Variants in RYR3 observed in about 807,000 individuals in gnomAD.
The protein encoded by RYR3 is ryanodine receptor 3, also known as brain ryanodine receptor-calcium release channel.
RYR3 carries 207 observed loss-of-function variants against 584.3 expected under a neutral mutation model. The ratio of observed to expected loss-of-function variants is 0.35; its 90% CI spans 0.32 to 0.40. The LOEUF is 0.40. Among genes scored for constraint, RYR3 ranks in the 10% least tolerant of loss-of-function variants. The pLI, the probability that RYR3 is intolerant of heterozygous loss-of-function variation, is 1.00. For synonymous variants in RYR3, 2,416 were observed against 2,248.5 expected, an observed-to-expected ratio of 1.07 and a Z score of -2.11; for missense variants, 5,616 against 6,089.2, an observed-to-expected ratio of 0.92 and a Z score of 2.59.
chr15:33,322,357 A>AGAGGGAGC (rs1969082172), intron 1 of RYR3, among the ~76,000 whole-genome samples: 1 of 152,154 alleles, frequency 6.6e-6, no homozygotes, highest in African/African-American at 2.4e-5. Context: ...AAGGAGCAAG[A>AGAGGGAGC]GAGGGAGCGG....
At chr15:33,776,169 T>C (rs2073980916) in intron 64 of RYR3, among the ~76,000 whole-genome samples, 1 of 152,160 alleles carries the variant, frequency 6.6e-6, no homozygotes, top group Non-Finnish European at 1.5e-5. Flanking sequence ...GTATGCTTTG[T>C]AGATAGAAAT....
chr15:33,789,417 T>C (rs553869495), intron 67 of RYR3, among the ~76,000 whole-genome samples: 3 of 150,412 alleles, frequency 2.0e-5, no homozygotes, highest in South Asian at 2.1e-4. Flanking sequence ...ATGTGATCCA[T>C]AGAAACTGAA....
In RYR3 at chr15:33,634,729, A is replaced by G. The variant is rs771289037; in HGVS notation, c.3171A>G (p.Glu1057=). ...ATAACATTGAGCCATCAGACCAAGA[A>G]CTAGGTAATGAGTTGAGAGTGTTTA... The part of the protein sequence containing the change: ...YGYNIEPSDQ[E]LADSAVEKVS... Residue 1057 remains glutamate (E), a synonymous_variant, in exon 25 of 104, where the codon GAA becomes GAG. Transcript: ENST00000634891. 1.9e-6 allele frequency: 3 copies of G among 1,613,754 alleles called. No homozygotes were observed. Among genetic ancestry groups the G allele is most frequent in the East Asian group, 2.2e-5 (1 of 44,892 alleles).
chr15:33,519,092 C>G lies in RYR3; in HGVS notation c.280-11500C>G, dbSNP rs528068125. 3.3e-4 allele frequency among the ~76,000 whole-genome samples: 50 copies of G among 152,222 alleles called. No individual in the cohort carries two copies. In the South Asian group the frequency reaches 9.0e-3, roughly 27 times the overall value. On this transcript the variant is annotated intron_variant, in intron 3 of 103. Transcript: ENST00000634891. The stretch of plus-strand genomic sequence containing the variant: ...CCATTAACTGCATCTTTTCCCAGGC[C>G]CTGCAGCATCCACACCAGTGGGGAG...
Position 33,664,575 on chromosome 15 carries a change from A to ATGTG in RYR3, c.5619+850_5619+853dup, listed in dbSNP as rs577820015. 5.7e-3 allele frequency among the ~76,000 whole-genome samples: 560 copies of ATGTG among 98,188 alleles called. 4 individuals carry two copies. The highest frequency in any genetic ancestry group is 0.026 in the Middle Eastern group (5 of 192). The allele number at this position is 98,188 out of a possible 152,430, so 64.4% of individuals were successfully genotyped here. ...TTTATACACATATATATATAGATAT[A>ATGTG]TGTGTGTGTGTGTGTATATATATAT... On this transcript the variant is annotated intron_variant, in intron 36 of 103. Coordinates refer to ENST00000634891, the MANE Select transcript of RYR3 (RefSeq NM_001036.6).
chr15:33,748,011 T>C (rs963902946), intron 53 of RYR3, 103 bp from the exon 54 acceptor site: 39 of 1,049,652 alleles, frequency 3.7e-5, no homozygotes, highest in Non-Finnish European at 5.5e-5. Flanking sequence ...TGGTGCTAAC[T>C]AGCACCCCCA....
chr15:33,822,645 C>CTTTCA (rs545054627), intron 80 of RYR3, among the ~76,000 whole-genome samples: 87 of 152,338 alleles, frequency 5.7e-4, no homozygotes, highest in African/African-American at 1.8e-3. Context: ...AAATACTGAG[C>CTTTCA]TTTCAGCTAG....
chr15:33,725,517 G>A (rs2339336), intron 45 of RYR3, among the ~76,000 whole-genome samples: 114,323 of 152,036 alleles, frequency 0.75, 43,638 homozygotes, highest in East Asian at 0.96. Context: ...CATCAGTGTC[G>A]GGGTGGATCG....
At chr15:33,457,487 G>A (rs1156733100) in intron 1 of RYR3, among the ~76,000 whole-genome samples, 3 of 152,176 alleles carry the variant, frequency 2.0e-5, no homozygotes, top group Non-Finnish European at 4.4e-5. Flanking sequence ...AATAAGCCAG[G>A]CACAGAAAGA....
In RYR3 at chr15:33,841,775, C is replaced by G. The variant is rs552272316; in HGVS notation, c.13038-89C>G. ...GAATGATTCTACCTCCCGGCCCTCTCAATCCAGATTTCTCTTTAATCTAGT... is the reference window on the plus strand; with the variant it reads ...GAATGATTCTACCTCCCGGCCCTCTGAATCCAGATTTCTCTTTAATCTAGT... On this transcript the variant is annotated intron_variant, in intron 90 of 103. Coordinates refer to ENST00000634891, the MANE Select transcript of RYR3 (RefSeq NM_001036.6). 28 of 1,354,706 alleles carry G rather than the reference C, an allele frequency of 2.1e-5. 1 individual carries two copies. The Admixed American group carries it at 5.1e-4, about 25-fold the overall frequency. The allele number at this position is 1,354,706 out of a possible 1,614,324, so 83.9% of individuals were successfully genotyped here. A position where few individuals can be genotyped will look rare whatever the true frequency, so the allele number is the denominator to read the frequency against.
At chr15:33,680,759 G>A (rs1323260405) in intron 38 of RYR3, among the ~76,000 whole-genome samples, 2 of 152,228 alleles carry the variant, frequency 1.3e-5, no homozygotes, top group African/African-American at 2.4e-5. Flanking sequence ...CTGTGCAAAA[G>A]CAGGGTTCTG....
At chr15:33,334,602 G>A (rs887071975) in intron 1 of RYR3, among the ~76,000 whole-genome samples, 3 of 152,074 alleles carry the variant, frequency 2.0e-5, no homozygotes, top group Non-Finnish European at 4.4e-5. Flanking sequence ...TAGGCAATAC[G>A]ATTCAGGAAA....
chr15:33,625,290 G>A (rs374718503), intron 20 of RYR3, among the ~76,000 whole-genome samples: 55 of 152,166 alleles, frequency 3.6e-4, no homozygotes, highest in African/African-American at 1.2e-3. Flanking sequence ...CCCTTCCCCC[G>A]ACATGTGGGA....
At chr15:33,540,387 G>T (rs1374505381) in intron 6 of RYR3, among the ~76,000 whole-genome samples, 5 of 152,100 alleles carry the variant, frequency 3.3e-5, no homozygotes, top group Admixed American at 6.6e-5. Flanking sequence ...GCCTGAAGAT[G>T]AGAGAAACGT....
intron 70 of RYR3, among the ~76,000 whole-genome samples, chr15:33,808,735 C>T (rs79266624): frequency 2.6e-4 from 40 of 152,208 alleles, no homozygotes; most frequent in Non-Finnish European, 2.5e-4. Flanking sequence ...AGTTGGCACA[C>T]GCTCAGTCTG....
At chr15:33,339,310 C>T (rs140569254) in intron 1 of RYR3, among the ~76,000 whole-genome samples, 5 of 152,198 alleles carry the variant, frequency 3.3e-5, no homozygotes, top group Admixed American at 3.3e-4. Context: ...CTGAGATTTA[C>T]GTTTTAGAAG....
chr15:33,522,130 G>T (rs1427739343), intron 3 of RYR3, among the ~76,000 whole-genome samples: 3 of 151,024 alleles, frequency 2.0e-5, no homozygotes, highest in Non-Finnish European at 4.4e-5. Flanking sequence ...AGGTGTGGTG[G>T]TGTGAGCCTG....
At chr15:33,444,014 C>T (rs2046425129) in intron 1 of RYR3, among the ~76,000 whole-genome samples, 1 of 152,180 alleles carries the variant, frequency 6.6e-6, no homozygotes. Flanking sequence ...GTGATAATTG[C>T]AAGATGCCCA....
At chr15:33,421,922 G>T (rs1319354710) in intron 1 of RYR3, among the ~76,000 whole-genome samples, 1 of 152,152 alleles carries the variant, frequency 6.6e-6, no homozygotes, top group Non-Finnish European at 1.5e-5. Context: ...CTTGGAAACA[G>T]ACATATTTAG....
Sources: allele counts gnomAD v4.1 joint callset (sites outside exome capture counted in the v4.1 genomes callset), GRCh38; gene constraint gnomAD v4.1.1; transcripts MANE v1.5; gene names NCBI Gene and HGNC (gene_info 2026-07-23, HGNC 2026-07-21).